Variants in HDGFL3 observed in about 807,000 individuals in gnomAD.
HDGFL3 encodes the protein HDGF like 3, also known as hepatoma-derived growth factor-related protein 3.
Under a neutral mutation model 27.6 loss-of-function variants are expected in HDGFL3, and 6 were observed. The ratio of observed to expected loss-of-function variants is 0.22; its 90% CI spans 0.12 to 0.43. HDGFL3 has a LOEUF of 0.43. Among genes scored for constraint, HDGFL3 ranks in the 20% least tolerant of loss-of-function variants. The pLI is 1.00. For synonymous variants in HDGFL3, 88 were observed against 88.9 expected, an observed-to-expected ratio of 0.99 and a Z score of 0.05; for missense variants, 207 against 250.1, an observed-to-expected ratio of 0.83 and a Z score of 1.16.
At chr15:83,120,357 T>C (rs2035105740) in intron 3 of HDGFL3, among the ~76,000 whole-genome samples, 2 of 152,330 alleles carry the variant, frequency 1.3e-5, no homozygotes, top group Non-Finnish European at 2.9e-5. Context: ...TTTCTGCCCA[T>C]GGTGGCACAC....
downstream of HDGFL3, among the ~76,000 whole-genome samples, chr15:83,126,503 T>TA (rs570614479): frequency 9.6e-4 from 146 of 152,314 alleles, no homozygotes; most frequent in African/African-American, 3.4e-3. Flanking sequence ...CCTAGATACT[T>TA]AAACTCTGAA....
chr15:83,116,500 G>T (rs2034672043), intron 3 of HDGFL3, among the ~76,000 whole-genome samples: 1 of 152,232 alleles, frequency 6.6e-6, no homozygotes, highest in Admixed American at 6.5e-5. Context: ...AGGAAATGAG[G>T]AAAAGGGCTC....
chr15:83,138,106 C>T lies in HDGFL3; in HGVS notation c.*1164G>A, dbSNP rs969707943. On this transcript the variant is annotated 3_prime_UTR_variant, in exon 6 of 6. Coordinates refer to ENST00000299633, the MANE Select transcript of HDGFL3 (RefSeq NM_016073.4). ...CTTTAATATATGAATTACATTAATA[C>T]CTCACGTTACATATATGAAGCCAAA... 6.6e-6 allele frequency: 1 copy of T among 152,498 alleles called. No homozygotes were observed. The highest frequency in any genetic ancestry group is 1.5e-5 in the Non-Finnish European group (1 of 67,980). The allele number at this position is 152,498 out of a possible 1,614,324, so 9.4% of individuals were successfully genotyped here.
At chr15:83,202,078 T>C (rs574762438) in intron 1 of HDGFL3, among the ~76,000 whole-genome samples, 46 of 152,282 alleles carry the variant, frequency 3.0e-4, no homozygotes, top group African/African-American at 1.1e-3. Context: ...AGTAGATCAT[T>C]GTCAAATGCA....
At chr15:83,185,461 T>C (rs892711892) in intron 1 of HDGFL3, among the ~76,000 whole-genome samples, 10 of 152,186 alleles carry the variant, frequency 6.6e-5, no homozygotes, top group Admixed American at 1.3e-4. Context: ...TGCACTGGGA[T>C]TGGCTTGCAC....
intron 1 of HDGFL3, among the ~76,000 whole-genome samples, chr15:83,183,526 C>G (rs2037404614): frequency 6.6e-6 from 1 of 152,018 alleles, no homozygotes; most frequent in Non-Finnish European, 1.5e-5. Context: ...TTCGGGAGGC[C>G]AAGGCAGGCA....
At chr15:83,166,815 T>C (rs552510258) in intron 1 of HDGFL3, among the ~76,000 whole-genome samples, 1 of 152,214 alleles carries the variant, frequency 6.6e-6, no homozygotes, top group East Asian at 1.9e-4. Flanking sequence ...TACACACTTT[T>C]AAAGAAGATC....
intron 1 of HDGFL3, among the ~76,000 whole-genome samples, chr15:83,195,908 AC>A (rs1199001281): frequency 5.3e-5 from 8 of 152,056 alleles, no homozygotes; most frequent in Admixed American, 5.2e-4. Context: ...AAAAATGAAA[AC>A]AGGTTACAAA....
At chr15:83,117,424 G>A (rs1244537105) in intron 3 of HDGFL3, among the ~76,000 whole-genome samples, 1 of 152,154 alleles carries the variant, frequency 6.6e-6, no homozygotes, top group African/African-American at 2.4e-5. Flanking sequence ...TTGCCTATGA[G>A]AAGGTAGAGA....
At chr15:83,168,924 C>T (rs2037207001) in intron 1 of HDGFL3, among the ~76,000 whole-genome samples, 1 of 152,148 alleles carries the variant, frequency 6.6e-6, no homozygotes, top group Non-Finnish European at 1.5e-5. Flanking sequence ...AGTTAATTCA[C>T]CATGATCAAG....
chr15:83,178,138 C>T (rs545119327), intron 1 of HDGFL3, among the ~76,000 whole-genome samples: 4 of 152,040 alleles, frequency 2.6e-5, no homozygotes, highest in East Asian at 1.9e-4. Flanking sequence ...AATAACAGTC[C>T]GAAAACACAC....
At chr15:83,150,398 G>A (rs755484565) in intron 5 of HDGFL3, among the ~76,000 whole-genome samples, 2 of 152,068 alleles carry the variant, frequency 1.3e-5, no homozygotes, top group African/African-American at 2.4e-5. Context: ...GATAAGCAGA[G>A]GATAGAGTAG....
chr15:83,124,512 G>T (rs187468574), downstream of HDGFL3, among the ~76,000 whole-genome samples: 1 of 152,224 alleles, frequency 6.6e-6, no homozygotes, highest in East Asian at 1.9e-4. Context: ...GAGACTTGAG[G>T]AAGGAAATGA....
intron 5 of HDGFL3, chr15:83,144,982 C>T (rs1158630754): frequency 6.4e-6 from 1 of 156,474 alleles, no homozygotes; most frequent in African/African-American, 2.4e-5. Flanking sequence ...GAACTCCAAG[C>T]ATTCTAGATA....
downstream of HDGFL3, among the ~76,000 whole-genome samples, chr15:83,126,020 G>GC (rs1567149025): frequency 6.6e-6 from 1 of 152,126 alleles, no homozygotes; most frequent in Non-Finnish European, 1.5e-5. Context: ...AAAATAGTGG[G>GC]CCCCACCTGT....
intron 1 of HDGFL3, chr15:83,180,935 C>T (rs1471734825): frequency 1.3e-5 from 2 of 151,676 alleles, no homozygotes. Flanking sequence ...CCATGCCCGG[C>T]AATTTAATAT....
chr15:83,204,133 G>T (rs1354520908), intron 1 of HDGFL3, among the ~76,000 whole-genome samples: 1 of 150,996 alleles, frequency 6.6e-6, no homozygotes. Context: ...GAGTACTTTC[G>T]TAGGCACTGT....
At chr15:83,154,090 A>T (rs112050949) in intron 4 of HDGFL3, among the ~76,000 whole-genome samples, 6,872 of 151,994 alleles carry the variant, frequency 0.045, 216 homozygotes, top group Non-Finnish European at 0.07. Context: ...TGAGGCGGGC[A>T]GACTGTTTGA....
downstream of HDGFL3, chr15:83,126,811 C>T: frequency 6.2e-7 from 1 of 1,613,978 alleles, no homozygotes; most frequent in Non-Finnish European, 8.5e-7. Context: ...TTCAAGAGCC[C>T]TATCTAAAGG....
Sources: allele counts gnomAD v4.1 joint callset (sites outside exome capture counted in the v4.1 genomes callset), GRCh38; gene constraint gnomAD v4.1.1; transcripts MANE v1.5; gene names NCBI Gene and HGNC (gene_info 2026-07-23, HGNC 2026-07-21).